The following SLC2A9 variants were observed in gnomAD, a reference collection of about 807,000 sequenced individuals.
The protein encoded by SLC2A9 is solute carrier family 2 member 9, also known as solute carrier family 2, facilitated glucose transporter member 9.
In SLC2A9, 39 loss-of-function variants were observed where a neutral mutation model predicts 50.6. The observed-to-expected ratio is 0.77, with a 90% CI of 0.60 to 1.01. SLC2A9 has a LOEUF of 1.01. SLC2A9 is among the 50% of genes least tolerant of loss of function. The pLI is 0.00. For missense variants in SLC2A9, 686 were observed against 677.6 expected, an observed-to-expected ratio of 1.01 and a Z score of -0.14; for synonymous variants, 324 against 276.9, an observed-to-expected ratio of 1.17 and a Z score of -1.69.
At chr4:9,930,329 G>A (rs1745673316) in intron 6 of SLC2A9, among the ~76,000 whole-genome samples, 1 of 152,222 alleles carries the variant, frequency 6.6e-6, no homozygotes, top group Non-Finnish European at 1.5e-5. Context: ...GGAAGGAAAT[G>A]TAGCTCCTCA....
At chr4:9,773,751 T>A (rs1717151975) in intron 1 of SLC2A9, among the ~76,000 whole-genome samples, 1 of 152,250 alleles carries the variant, frequency 6.6e-6, no homozygotes, top group East Asian at 1.9e-4. Flanking sequence ...CAGAGAGAGA[T>A]CTTGGTTTCC....
intron 3 of SLC2A9, among the ~76,000 whole-genome samples, chr4:9,812,426 C>CA (rs1392939043): frequency 6.6e-6 from 1 of 151,550 alleles, no homozygotes; most frequent in Non-Finnish European, 1.5e-5. Context: ...TCCTATCCTG[C>CA]AGTCTTGTTG....
intron 3 of SLC2A9, chr4:9,783,998 A>T (rs1203279036): frequency 1.8e-5 from 3 of 168,102 alleles, no homozygotes; most frequent in Non-Finnish European, 4.4e-5. Flanking sequence ...TAATAAACAC[A>T]GATTATTTGT....
At chr4:9,947,385 G>A (rs980992928) in intron 5 of SLC2A9, among the ~76,000 whole-genome samples, 1 of 152,184 alleles carries the variant, frequency 6.6e-6, no homozygotes, top group Non-Finnish European at 1.5e-5. Flanking sequence ...TGTGAAAGGT[G>A]CACCGAGCAC....
At chr4:10,025,112 A>G (rs2109580055), upstream of SLC2A9, among the ~76,000 whole-genome samples, 1 of 152,362 alleles carries the variant, frequency 6.6e-6, no homozygotes, top group South Asian at 2.1e-4. Context: ...ACAACTTGGT[A>G]AATGGACTTG....
chr4:9,782,011 C>T, intron 3 of SLC2A9: 1 of 1,445,238 alleles, frequency 6.9e-7, no homozygotes, highest in Non-Finnish European at 9.1e-7. Flanking sequence ...CACAGACCGC[C>T]CCTGCAGTCC....
In SLC2A9 at chr4:9,898,127, T is replaced by A. The variant is rs1738902789; in HGVS notation, c.1114-7416A>T. 2.0e-5 allele frequency among the ~76,000 whole-genome samples: 3 copies of A among 152,166 alleles called. No individual in the cohort carries two copies. In the South Asian group the frequency reaches 6.2e-4, roughly 32 times the overall value. ...GCCTTGAGAACTGTGATACAATAAA[T>A]TCCTGTTGTTTAAGCCACGTAGTTT... On this transcript the variant is annotated intron_variant, in intron 8 of 11. Coordinates refer to ENST00000264784, the MANE Select transcript of SLC2A9 (RefSeq NM_020041.3).
intron 10 of SLC2A9, among the ~76,000 whole-genome samples, chr4:9,885,640 T>A (rs1736071129): frequency 6.6e-6 from 1 of 152,242 alleles, no homozygotes; most frequent in East Asian, 1.9e-4. Flanking sequence ...AGCCTTACTA[T>A]GTCTTCAGCA....
Position 10,021,270 on chromosome 4 carries a change from C to T in SLC2A9, c.150+10G>A, listed in dbSNP as rs1763475591. ...CCCGCCAGCCATGCAGAAAAGCTGT[C>T]CGTAGTTACCTTTCTTCTCCTTCCA... On this transcript the variant is annotated intron_variant, in intron 1 of 11. Coordinates refer to ENST00000264784, the MANE Select transcript of SLC2A9 (RefSeq NM_020041.3). The T allele has an allele frequency of 6.2e-7, 1 of 1,612,868 alleles. No homozygotes were observed. Among genetic ancestry groups the T allele is most frequent in the Non-Finnish European group, 8.5e-7 (1 of 1,179,942 alleles).
chr4:9,773,102 C>A (rs1418040962), intron 1 of SLC2A9, among the ~76,000 whole-genome samples: 2 of 152,162 alleles, frequency 1.3e-5, no homozygotes, highest in Non-Finnish European at 2.9e-5. Context: ...CCTGAGTTAG[C>A]CATTTTAACC....
chr4:9,937,972 T>C (rs531724937), intron 6 of SLC2A9, among the ~76,000 whole-genome samples: 24 of 152,370 alleles, frequency 1.6e-4, no homozygotes, highest in African/African-American at 5.5e-4. Flanking sequence ...ATCTATGATG[T>C]CCACACTTCT....
intron 10 of SLC2A9, among the ~76,000 whole-genome samples, 198 bp downstream of exon 10, chr4:9,887,369 A>G (rs1736460015): frequency 6.6e-6 from 1 of 152,094 alleles, no homozygotes; most frequent in Non-Finnish European, 1.5e-5. Flanking sequence ...AGGTGAGTCC[A>G]CTTTCACCTT....
intron 10 of SLC2A9, among the ~76,000 whole-genome samples, chr4:9,844,982 T>G (rs1184509048): frequency 6.6e-6 from 1 of 152,236 alleles, no homozygotes; most frequent in East Asian, 1.9e-4. Context: ...CTCCTCTCTA[T>G]TTTCTAACTC....
At chr4:9,930,984 G>A (rs1436598059) in intron 6 of SLC2A9, among the ~76,000 whole-genome samples, 1 of 152,000 alleles carries the variant, frequency 6.6e-6, no homozygotes, top group Non-Finnish European at 1.5e-5. Flanking sequence ...GAAGGAGATG[G>A]GGCAATGTCA....
chr4:9,914,196 T>C (rs201415397), intron 7 of SLC2A9, among the ~76,000 whole-genome samples: 2 of 152,226 alleles, frequency 1.3e-5, no homozygotes, highest in East Asian at 3.9e-4. Flanking sequence ...GGGAGGGTGC[T>C]AAGTCCTATG....
chr4:9,812,617 A>G (rs1321678699), intron 3 of SLC2A9, among the ~76,000 whole-genome samples: 2 of 152,034 alleles, frequency 1.3e-5, no homozygotes, highest in African/African-American at 4.8e-5. Context: ...TAGATGCAAC[A>G]TGCTCAATTT....
intron 5 of SLC2A9, among the ~76,000 whole-genome samples, chr4:9,964,113 G>T (rs1038519506): frequency 7.2e-5 from 11 of 152,160 alleles, no homozygotes; most frequent in Admixed American, 3.3e-4. Flanking sequence ...GGAGACATTC[G>T]AGAATTCTTA....
chr4:9,940,425 C>T (rs761996753), intron 6 of SLC2A9, among the ~76,000 whole-genome samples: 34 of 152,118 alleles, frequency 2.2e-4, no homozygotes, highest in African/African-American at 5.6e-4. Context: ...TGGTTACTAA[C>T]GGGTTTAAGA....
chr4:9,790,687 G>A (rs1353113713), intron 3 of SLC2A9, among the ~76,000 whole-genome samples: 1 of 152,166 alleles, frequency 6.6e-6, no homozygotes, highest in African/African-American at 2.4e-5. Context: ...AGAACTACTT[G>A]AAAGTTAAAA....
Sources: allele counts gnomAD v4.1 joint callset (sites outside exome capture counted in the v4.1 genomes callset), GRCh38; gene constraint gnomAD v4.1.1; transcripts MANE v1.5; gene names NCBI Gene and HGNC (gene_info 2026-07-23, HGNC 2026-07-21).